The following CFAP52 variants were observed in gnomAD, a reference collection of about 807,000 sequenced individuals.
CFAP52 encodes the protein cilia and flagella associated protein 52.
In CFAP52, 57 loss-of-function variants were observed where a neutral mutation model predicts 70.5. The ratio of observed to expected loss-of-function variants is 0.81; its 90% CI spans 0.65 to 1.01. The LOEUF is 1.01. CFAP52 is among the 50% of genes least tolerant of loss of function. The pLI is 0.00. For synonymous variants in CFAP52, 267 were observed against 292.5 expected (o/e 0.91, Z 0.89); for missense variants, 785 against 788.5 (o/e 1.00, Z 0.05).
intron 11 of CFAP52, 47 bp downstream of exon 11, chr17:9,635,603 A>T: frequency 1.2e-6 from 2 of 1,611,622 alleles, no homozygotes; most frequent in Non-Finnish European, 1.7e-6. Flanking sequence ...GCAAAATCCA[A>T]TCATGCCAAC....
chr17:9,595,956 C>T (rs1427009001), intron 4 of CFAP52, among the ~76,000 whole-genome samples: 1 of 148,732 alleles, frequency 6.7e-6, no homozygotes, highest in East Asian at 2.0e-4. Context: ...ATATATAACT[C>T]TGGGAGCTAA....
intron 3 of CFAP52, among the ~76,000 whole-genome samples, chr17:9,588,075 C>A (rs1426429193): frequency 8.5e-5 from 13 of 152,154 alleles, no homozygotes; most frequent in Non-Finnish European, 1.8e-4. Flanking sequence ...CCAGAGTGAG[C>A]ATCTGTGAGG....
intron 12 of CFAP52, among the ~76,000 whole-genome samples, chr17:9,640,070 T>A (rs1910982269): frequency 6.6e-6 from 1 of 152,104 alleles, no homozygotes; most frequent in Non-Finnish European, 1.5e-5. Flanking sequence ...AGAAAAAAAT[T>A]AACAAGAAAT....
chr17:9,578,023 C>A (rs537727485), intron 1 of CFAP52, among the ~76,000 whole-genome samples: 22 of 152,270 alleles, frequency 1.4e-4, no homozygotes, highest in Non-Finnish European at 3.2e-4. Flanking sequence ...ACTTGGGAGG[C>A]AGAGGTTGCA....
chr17:9,607,086 C>A (rs1411152500), intron 6 of CFAP52, among the ~76,000 whole-genome samples: 6 of 152,212 alleles, frequency 3.9e-5, no homozygotes. Context: ...TGGCTCACAC[C>A]TGTAATCCCA....
At chr17:9,635,317 AGCAAAGGGGAAAAAGC>A in intron 10 of CFAP52, 72 bp from the exon 11 acceptor site, 1 of 1,560,012 alleles carries the variant, frequency 6.4e-7, no homozygotes, top group Admixed American at 1.9e-5. Flanking sequence ...AATCAAGCAT[AGCAAAGGGGAAAAAGC>A]TCTTGGAATC....
At chr17:9,613,383 G>A (rs183595641) in intron 8 of CFAP52, among the ~76,000 whole-genome samples, 1 of 151,828 alleles carries the variant, frequency 6.6e-6, no homozygotes, top group African/African-American at 2.4e-5. Context: ...TCATGAAGTT[G>A]GTCAGTTTTT....
At position 9,635,496 on chromosome 17, in the gene CFAP52, G is replaced by C; in HGVS notation, c.1412G>C (p.Arg471Thr). 2 of 1,614,208 alleles carry C rather than the reference G, an allele frequency of 1.2e-6. No individual in the cohort carries two copies. Among genetic ancestry groups the C allele is most frequent in the Non-Finnish European group, 1.7e-6 (2 of 1,180,034 alleles). Residue 471 changes from arginine (R) to threonine (T), a missense_variant, in exon 11 of 14, where the codon AGG (arginine) becomes ACG (threonine). By Grantham distance (71) the Arg-to-Thr change is moderately conservative (BLOSUM62 -1). Coordinates refer to ENST00000352665, the MANE Select transcript of CFAP52 (RefSeq NM_145054.5). ...TCAGTGTCCTGCATTAGGGTGAAGA[G>C]GAACAACGAGGAGTGTGTCACCGCC... ...KSSVSCIRVK[R>T]NNEECVTAST...
chr17:9,640,183 T>C (rs528056451), intron 12 of CFAP52, among the ~76,000 whole-genome samples: 55 of 151,194 alleles, frequency 3.6e-4, no homozygotes, highest in Non-Finnish European at 6.2e-4. Context: ...ACAAATGAAA[T>C]GCACGTGCAG....
At chr17:9,584,376 G>A (rs986400369) in intron 1 of CFAP52, 1 of 1,279,604 alleles carries the variant, frequency 7.8e-7, no homozygotes, top group Non-Finnish European at 1.0e-6. Context: ...CACCTGGTGG[G>A]CACTCAGAAC....
In CFAP52 at chr17:9,584,812, C is replaced by A. The variant is rs908025577; in HGVS notation, c.71-961C>A. ...AATTTTTTGTATTTTTAGTAGAGAC[C>A]GGGTTTCACCATGTTGGCCAGGCTG... On this transcript the variant is annotated intron_variant, in intron 1 of 13. Transcript: ENST00000352665. Among the ~76,000 whole-genome samples the A allele has an allele frequency of 2.6e-5, 4 of 151,872 alleles. No individual in the cohort carries two copies. The South Asian group carries it at 8.3e-4, about 32-fold the overall frequency.
At chr17:9,639,690 C>T (rs962923131) in intron 12 of CFAP52, among the ~76,000 whole-genome samples, 1 of 152,040 alleles carries the variant, frequency 6.6e-6, no homozygotes, top group Non-Finnish European at 1.5e-5. Flanking sequence ...GGAGATAGAA[C>T]TGGTGACATG....
At chr17:9,621,680 AATG>A (rs1264914583) in intron 8 of CFAP52, among the ~76,000 whole-genome samples, 5 of 60,962 alleles carry the variant, frequency 8.2e-5, no homozygotes, top group African/African-American at 1.4e-4. Context: ...AGCCATAAAA[AATG>A]ATGAGTTCAT....
At chr17:9,608,044 G>T in intron 6 of CFAP52, 75 bp from the exon 7 acceptor site, 4 of 1,170,124 alleles carry the variant, frequency 3.4e-6, no homozygotes, top group South Asian at 1.9e-5. Context: ...GGTGGTATTT[G>T]GTTACATGAG....
At chr17:9,631,054 GAAAGAAAGAA>G (rs1394390279) in intron 9 of CFAP52, among the ~76,000 whole-genome samples, 13 of 103,630 alleles carry the variant, frequency 1.3e-4, no homozygotes, top group East Asian at 1.1e-3. Flanking sequence ...GAGAGAGAGA[GAAAGAAAGAA>G]AGAAAGAAAG....
At chr17:9,623,670 TTTTGTTTGTTTGTTTG>T (rs112696029) in intron 8 of CFAP52, among the ~76,000 whole-genome samples, 1 of 150,942 alleles carries the variant, frequency 6.6e-6, no homozygotes, top group African/African-American at 2.5e-5. Context: ...GCTTAGCTTT[TTTTGTTTGTTTGTTTG>T]TTTGTTTGTT....
intron 8 of CFAP52, among the ~76,000 whole-genome samples, chr17:9,618,739 C>G: frequency 1.1e-5 from 1 of 92,482 alleles, no homozygotes; most frequent in Non-Finnish European, 2.1e-5. Context: ...ACAACCTGCT[C>G]CTGAACGACT....
intron 8 of CFAP52, among the ~76,000 whole-genome samples, chr17:9,624,509 A>G (rs1408204644): frequency 6.6e-6 from 1 of 152,090 alleles, no homozygotes; most frequent in South Asian, 2.1e-4. Context: ...TATAATTGCT[A>G]TAAGGTATAT....
chr17:9,638,281 G>C (rs1910897050), intron 11 of CFAP52, among the ~76,000 whole-genome samples: 2 of 152,200 alleles, frequency 1.3e-5, no homozygotes, highest in South Asian at 2.1e-4. Flanking sequence ...CAGCAGGTTG[G>C]CTGTGAGTTC....
Sources: allele counts gnomAD v4.1 joint callset (sites outside exome capture counted in the v4.1 genomes callset), GRCh38; gene constraint gnomAD v4.1.1; transcripts MANE v1.5; gene names NCBI Gene and HGNC (gene_info 2026-07-23, HGNC 2026-07-21).